The following MAPKAP1 variants were observed in gnomAD, a reference collection of about 807,000 sequenced individuals.
The protein encoded by MAPKAP1 is MAPK associated protein 1.
A neutral mutation model predicts 65.7 loss-of-function variants in MAPKAP1; 20 were observed. The observed-to-expected ratio is 0.30, with a 90% CI of 0.21 to 0.44. MAPKAP1 has a LOEUF of 0.44. Ranked by LOEUF, MAPKAP1 falls within the 20% of genes least tolerant of loss-of-function variation. The probability of loss-of-function intolerance (pLI) is 1.00; values close to 1 mark genes in which losing one functional copy is unlikely to be tolerated. For synonymous variants in MAPKAP1, 222 were observed against 244.3 expected (o/e 0.91, Z 0.85); for missense variants, 423 against 648.0 (o/e 0.65, Z 3.77).
chr9:125,528,601 C>A (rs1829840172), intron 7 of MAPKAP1, among the ~76,000 whole-genome samples: 1 of 152,190 alleles, frequency 6.6e-6, no homozygotes, highest in African/African-American at 2.4e-5. Flanking sequence ...GTAATCCCAG[C>A]ACTTTGGGAG....
chr9:125,444,746 A>C, intron 10 of MAPKAP1, 148 bp from the exon 11 acceptor site: 11 of 561,934 alleles, frequency 2.0e-5, no homozygotes, highest in Non-Finnish European at 1.9e-5. Flanking sequence ...TCGTTTTCTC[A>C]TTACAGGCTG....
chr9:125,484,721 A>G (rs1854437358), intron 8 of MAPKAP1, 138 bp from the exon 9 acceptor site: 1 of 766,780 alleles, frequency 1.3e-6, no homozygotes, highest in Admixed American at 3.4e-5. Context: ...ATGACTTAAT[A>G]ATGCCATTCC....
chr9:125,563,112 A>G (rs1396913692), intron 5 of MAPKAP1, among the ~76,000 whole-genome samples: 1 of 152,226 alleles, frequency 6.6e-6, no homozygotes, highest in Non-Finnish European at 1.5e-5. Flanking sequence ...TGATCACCCA[A>G]TTAAACAGAG....
intron 4 of MAPKAP1, among the ~76,000 whole-genome samples, chr9:125,625,782 G>A (rs980477214): frequency 2.0e-5 from 3 of 152,088 alleles, no homozygotes; most frequent in African/African-American, 7.2e-5. Context: ...GTGACAGAGT[G>A]AGACTCCATC....
intron 1 of MAPKAP1, among the ~76,000 whole-genome samples, chr9:125,683,868 A>G (rs908711462): frequency 2.6e-5 from 4 of 152,208 alleles, no homozygotes; most frequent in African/African-American, 9.6e-5. Context: ...CTAAAATGCA[A>G]TTTCACTACC....
At chr9:125,679,248 C>T (rs777938522) in intron 1 of MAPKAP1, among the ~76,000 whole-genome samples, 3 of 152,160 alleles carry the variant, frequency 2.0e-5, no homozygotes, top group South Asian at 2.1e-4. Flanking sequence ...GTGATCCCCC[C>T]ACCTCGGCCT....
intron 5 of MAPKAP1, 94 bp from the exon 6 acceptor site, chr9:125,559,903 C>A: frequency 1.6e-6 from 2 of 1,258,930 alleles, no homozygotes; most frequent in Non-Finnish European, 2.2e-6. Flanking sequence ...ATTGAGGAGA[C>A]TGCTTTTCTT....
At chr9:125,571,633 G>A (rs1232929366) in intron 5 of MAPKAP1, among the ~76,000 whole-genome samples, 3 of 152,106 alleles carry the variant, frequency 2.0e-5, no homozygotes, top group Admixed American at 6.5e-5. Context: ...GAGGCAGGTG[G>A]ATCACCTGAG....
At chr9:125,561,836 G>A (rs747301102) in intron 5 of MAPKAP1, among the ~76,000 whole-genome samples, 8 of 152,194 alleles carry the variant, frequency 5.3e-5, no homozygotes, top group Non-Finnish European at 1.2e-4. Context: ...ACTATAATAA[G>A]AAAGTCATAT....
intron 6 of MAPKAP1, among the ~76,000 whole-genome samples, 160 bp from the exon 7 acceptor site, chr9:125,543,328 G>GCAATCT (rs1320315216): frequency 6.6e-6 from 1 of 152,072 alleles, no homozygotes; most frequent in African/African-American, 2.4e-5. Context: ...GTGCAGTGGT[G>GCAATCT]CAATCTCGGC....
intron 3 of MAPKAP1, among the ~76,000 whole-genome samples, chr9:125,660,361 A>G (rs1171708431): frequency 6.6e-6 from 1 of 152,176 alleles, no homozygotes; most frequent in Non-Finnish European, 1.5e-5. Context: ...ATATAAATGT[A>G]TATGTCTGTC....
chr9:125,651,800 T>C (rs2131738359), intron 4 of MAPKAP1, among the ~76,000 whole-genome samples: 1 of 152,276 alleles, frequency 6.6e-6, no homozygotes, highest in African/African-American at 2.4e-5. Flanking sequence ...TCTTCATTCA[T>C]GGTTACCCCC....
intron 7 of MAPKAP1, among the ~76,000 whole-genome samples, chr9:125,523,212 C>G (rs1313794750): frequency 6.6e-6 from 1 of 152,230 alleles, no homozygotes; most frequent in African/African-American, 2.4e-5. Flanking sequence ...ACCCTGCCCT[C>G]AGGCCTGGTG....
At chr9:125,644,063 T>C (rs1228888246) in intron 4 of MAPKAP1, among the ~76,000 whole-genome samples, 2 of 152,196 alleles carry the variant, frequency 1.3e-5, no homozygotes, top group African/African-American at 2.4e-5. Flanking sequence ...AAGTGGAATA[T>C]TCAGGAAGCA....
intron 7 of MAPKAP1, among the ~76,000 whole-genome samples, chr9:125,514,803 A>C (rs1326933751): frequency 6.6e-6 from 1 of 152,170 alleles, no homozygotes; most frequent in African/African-American, 2.4e-5. Context: ...GACCCATTCC[A>C]GGAGGATCGT....
chr9:125,690,108 G>C (rs1295939226), intron 1 of MAPKAP1, among the ~76,000 whole-genome samples: 2 of 152,108 alleles, frequency 1.3e-5, no homozygotes, highest in Non-Finnish European at 2.9e-5. Flanking sequence ...ATGTACTATG[G>C]AGACACAAAG....
rs779168610 is a variant in MAPKAP1 at position 125,506,405 on chromosome 9, C to T, written c.971G>A (p.Arg324His). ...ATTGGGCTCGCTCTGCTTCTCCAGG[C>T]GGTACTGAGGGCCTGGAAGATCAAA... ...GSQKVSGPQYRLEKQSEPNVA... is the reference protein window; with the variant it reads ...GSQKVSGPQYHLEKQSEPNVA... The change falls in exon 8 of 12, where the codon CGC becomes CAC. Residue 324 changes from arginine to histidine, a missense_variant. Arg to His is a conservative substitution (Grantham distance 29). Around this residue, in one of 6 missense-constraint regions of MAPKAP1, gnomAD observed 185 missense variants for 268.1 expected, o/e 0.69. Coordinates refer to ENST00000265960, the MANE Select transcript of MAPKAP1 (RefSeq NM_001006617.3). 8.1e-6 allele frequency: 13 copies of T among 1,613,788 alleles called. No homozygotes were observed. The highest frequency in any genetic ancestry group is 1.7e-5 in the Admixed American group (1 of 59,984).
In MAPKAP1 at chr9:125,585,389, G is replaced by C. The variant is rs1260143287; in HGVS notation, c.671+166C>G. On this transcript the variant is annotated intron_variant, in intron 5 of 11. Coordinates refer to ENST00000265960, the MANE Select transcript of MAPKAP1 (RefSeq NM_001006617.3). The stretch of plus-strand genomic sequence containing the variant: ...AACTTCTAAGTCTATTTTGCAAGCT[G>C]ATTCTCTGAGATGCACAGGCGCGAG... 2.0e-5 allele frequency among the ~76,000 whole-genome samples: 3 copies of C among 152,332 alleles called. No individual in the cohort carries two copies. In the East Asian group the frequency reaches 5.8e-4, roughly 29 times the overall value.
chr9:125,564,086 T>C (rs1325734025), intron 5 of MAPKAP1, among the ~76,000 whole-genome samples: 1 of 152,232 alleles, frequency 6.6e-6, no homozygotes, highest in Non-Finnish European at 1.5e-5. Context: ...TGTTCTTGCT[T>C]TTCACAGTGA....
Sources: allele counts gnomAD v4.1 joint callset (sites outside exome capture counted in the v4.1 genomes callset), GRCh38; gene constraint gnomAD v4.1.1; regional missense constraint gnomAD v4.1.1; transcripts MANE v1.5; gene names NCBI Gene and HGNC (gene_info 2026-07-23, HGNC 2026-07-21).